The following IP6K2 variants were observed in gnomAD, a reference collection of about 807,000 sequenced individuals.
The protein encoded by IP6K2 is inositol hexakisphosphate kinase 2.
In IP6K2, 9 loss-of-function variants were observed where a neutral mutation model predicts 43.3. The observed-to-expected ratio is 0.21, with a 90% CI of 0.13 to 0.36. IP6K2 has a LOEUF of 0.36. Ranked by LOEUF, IP6K2 falls within the 10% of genes least tolerant of loss-of-function variation. The pLI is 1.00. For missense variants in IP6K2, 332 were observed against 538.4 expected (o/e 0.62, Z 3.79); for synonymous variants, 209 against 202.4 (o/e 1.03, Z -0.28).
intron 4 of IP6K2, 136 bp downstream of exon 4, chr3:48,691,171 G>C (rs764493935): frequency 1.4e-4 from 101 of 711,490 alleles, no homozygotes; most frequent in African/African-American, 5.2e-4. Flanking sequence ...TTATCATACA[G>C]GTCCTGGAAT....
chr3:48,704,768 G>C (rs977568632), intron 1 of IP6K2, among the ~76,000 whole-genome samples: 1 of 149,440 alleles, frequency 6.7e-6, no homozygotes, highest in Non-Finnish European at 1.5e-5. Flanking sequence ...CCACCGCACC[G>C]GGCCGTTTAT....
chr3:48,694,420 A>G (rs1412953072), intron 2 of IP6K2: 1 of 1,547,758 alleles, frequency 6.5e-7, no homozygotes, highest in Non-Finnish European at 8.7e-7. Context: ...GTAACCAGGT[A>G]ATGCACATTT....
chr3:48,689,511 C>T (rs1337733399), intron 5 of IP6K2, 27 bp downstream of exon 5: 2 of 1,594,106 alleles, frequency 1.3e-6, no homozygotes, highest in Non-Finnish European at 1.7e-6. Context: ...CACTGGATGC[C>T]CTAGCCAGCC....
chr3:48,692,931 A>G (rs771473705), intron 3 of IP6K2, 23 bp downstream of exon 3: 5 of 1,557,310 alleles, frequency 3.2e-6, no homozygotes, highest in Non-Finnish European at 4.4e-6. Context: ...CATAGCCCAG[A>G]GTTGCCCTCT....
intron 3 of IP6K2, among the ~76,000 whole-genome samples, chr3:48,692,063 C>G (rs2077848177): frequency 6.6e-6 from 1 of 152,040 alleles, no homozygotes; most frequent in South Asian, 2.1e-4. Context: ...GAACTCCTGA[C>G]CTCAGGTGAT....
intron 1 of IP6K2, among the ~76,000 whole-genome samples, chr3:48,707,681 G>A (rs1034274938): frequency 9.9e-5 from 15 of 151,956 alleles, no homozygotes; most frequent in Non-Finnish European, 1.6e-4. Flanking sequence ...CAGGTGATCC[G>A]CCCCCCTTGG....
chr3:48,705,306 G>A (rs1275267261), intron 1 of IP6K2, among the ~76,000 whole-genome samples: 5 of 151,026 alleles, frequency 3.3e-5, no homozygotes, highest in Admixed American at 6.6e-5. Context: ...ATCTGCCCGC[G>A]TCAGCCTCCC....
rs1476237605 is a variant in IP6K2 at position 48,695,019 on chromosome 3, GGGCCTTCCAT to G, written c.202+61_202+70del. On this transcript the variant is annotated intron_variant, in intron 2 of 5. Coordinates refer to ENST00000328631, the MANE Select transcript of IP6K2 (RefSeq NM_016291.4). The surrounding 1 kb of genome is among the most constrained non-coding windows in gnomAD (Gnocchi z 4.6). ...GTGAGGGCTCCAGGGATGGCTGCCAGGGCCTTCCATGGCCACGATCTCTCACATCTCCTCG... is the reference window on the plus strand; with the variant it reads ...GTGAGGGCTCCAGGGATGGCTGCCAGGGCCACGATCTCTCACATCTCCTCG... 10 of 1,613,578 alleles carry G rather than the reference GGGCCTTCCAT, an allele frequency of 6.2e-6. No individual in the cohort carries two copies. Among genetic ancestry groups the G allele is most frequent in the Non-Finnish European group, 8.5e-6 (10 of 1,179,842 alleles).
intron 2 of IP6K2, chr3:48,694,528 A>G (rs72929172): frequency 0.11 from 162,032 of 1,525,940 alleles, 22,132 homozygotes; most frequent in East Asian, 0.7. Context: ...GATGTCCCCT[A>G]TAAAATACAT....
chr3:48,695,135 C>G lies in IP6K2; in HGVS notation c.157G>C (p.Glu53Gln), dbSNP rs1272070914. 1 of 1,611,486 alleles carries G rather than the reference C, an allele frequency of 6.2e-7. No homozygotes were observed. Among genetic ancestry groups the G allele is most frequent in the South Asian group, 1.1e-5 (1 of 90,962 alleles). The change falls in exon 2 of 6, where the codon GAG (glutamate) becomes CAG (glutamine). Residue 53 changes from glutamate (E) to glutamine (Q), a missense_variant. Transcript: ENST00000328631. The surrounding 1 kb of genome is among the most constrained non-coding windows in gnomAD (Gnocchi z 4.6). ...TTGCGCATCTCAGCAGGGAGGGTCT[C>G]GTAGAACTGATGTTCCCTTGGGACC... ...PLVPREHQFY[E>Q]TLPAEMRKFT...
chr3:48,706,855 G>GC (rs1391943886), intron 1 of IP6K2, among the ~76,000 whole-genome samples: 1 of 151,984 alleles, frequency 6.6e-6, no homozygotes, highest in Non-Finnish European at 1.5e-5. Context: ...TCAAAATGCT[G>GC]CCCCAAAATG....
At chr3:48,690,808 AAAAAG>A (rs1180725811) in intron 4 of IP6K2, among the ~76,000 whole-genome samples, 56 of 149,612 alleles carry the variant, frequency 3.7e-4, no homozygotes, top group African/African-American at 1.3e-3. Flanking sequence ...AAAAAAGAAA[AAAAAG>A]AGAGAGAGAG....
At chr3:48,706,496 G>A (rs985420541) in intron 1 of IP6K2, among the ~76,000 whole-genome samples, 6 of 152,098 alleles carry the variant, frequency 3.9e-5, no homozygotes, top group African/African-American at 1.4e-4. Flanking sequence ...TACCCTTGAG[G>A]AGTGACTATG....
intron 1 of IP6K2, among the ~76,000 whole-genome samples, chr3:48,712,287 G>A (rs2107074568): frequency 6.8e-6 from 1 of 147,768 alleles, no homozygotes; most frequent in Admixed American, 6.8e-5. Context: ...CTGTCTCCCA[G>A]GCTAGAGTGC....
At chr3:48,694,014 C>CGGGGG in intron 2 of IP6K2, 1 of 1,389,688 alleles carries the variant, frequency 7.2e-7, no homozygotes, top group South Asian at 1.7e-5. Context: ...AACACCTTTC[C>CGGGGG]TCCCAGGCCT....
intron 1 of IP6K2, among the ~76,000 whole-genome samples, chr3:48,704,483 T>C (rs1414583266): frequency 2.6e-5 from 4 of 152,136 alleles, no homozygotes; most frequent in Non-Finnish European, 5.9e-5. Flanking sequence ...ACACTTTTTT[T>C]TTTTTTTGAG....
intron 1 of IP6K2, among the ~76,000 whole-genome samples, chr3:48,702,322 C>G (rs892887230): frequency 6.6e-6 from 1 of 152,178 alleles, no homozygotes; most frequent in Non-Finnish European, 1.5e-5. Flanking sequence ...TCAAATATGC[C>G]TGATACACAT....
At chr3:48,707,358 A>G (rs961044429) in intron 1 of IP6K2, among the ~76,000 whole-genome samples, 1 of 152,192 alleles carries the variant, frequency 6.6e-6, no homozygotes, top group Admixed American at 6.5e-5. Flanking sequence ...TAACAACCAC[A>G]ACACCACAAC....
chr3:48,695,367 G>T lies in IP6K2; in HGVS notation c.-76C>A. The T allele has an allele frequency of 1.3e-6, 2 of 1,498,138 alleles. No homozygotes were observed. Among genetic ancestry groups the T allele is most frequent in the Non-Finnish European group, 8.9e-7 (1 of 1,123,272 alleles). The allele number at this position is 1,498,138 out of a possible 1,614,324, so 92.8% of individuals were successfully genotyped here. A position where few individuals can be genotyped will look rare whatever the true frequency, so the allele number is the denominator to read the frequency against. On this transcript the variant is annotated 5_prime_UTR_variant, in exon 2 of 6. Transcript: ENST00000328631. The surrounding 1 kb of genome is among the most constrained non-coding windows in gnomAD (Gnocchi z 4.6). Reference sequence around the variant, plus strand: ...CCAGTACGTCTTCTGTCTGTTGTTTGTCCGTGTGTCCCTCTCGTCTTGGCT... The same window carrying T: ...CCAGTACGTCTTCTGTCTGTTGTTTTTCCGTGTGTCCCTCTCGTCTTGGCT...
Sources: allele counts gnomAD v4.1 joint callset (sites outside exome capture counted in the v4.1 genomes callset), GRCh38; gene constraint gnomAD v4.1.1; non-coding constraint Gnocchi (gnomAD v3.1); transcripts MANE v1.5; gene names NCBI Gene and HGNC (gene_info 2026-07-23, HGNC 2026-07-21).